The following DPP10 variants were observed in gnomAD, a reference collection of about 807,000 sequenced individuals.
DPP10 encodes dipeptidyl peptidase like 10, also known as inactive dipeptidyl peptidase 10.
In DPP10, 33 loss-of-function variants were observed where a neutral mutation model predicts 120.9. That is an observed-to-expected ratio of 0.27 (90% CI 0.21 to 0.37). The LOEUF is 0.37. Among genes scored for constraint, DPP10 ranks in the 10% least tolerant of loss-of-function variants. The pLI is 1.00. For missense variants in DPP10, 816 were observed against 942.8 expected (o/e 0.87, Z 1.76); for synonymous variants, 337 against 326.1 (o/e 1.03, Z -0.36).
intron 5 of DPP10, among the ~76,000 whole-genome samples, chr2:115,541,228 A>G (rs1214423449): frequency 6.6e-6 from 1 of 151,916 alleles, no homozygotes; most frequent in Non-Finnish European, 1.5e-5. Context: ...ATTATGGGGC[A>G]ACATCCCATG....
At chr2:115,760,372 C>T (rs1679965860) in intron 11 of DPP10, among the ~76,000 whole-genome samples, 1 of 152,122 alleles carries the variant, frequency 6.6e-6, no homozygotes, top group Admixed American at 6.6e-5. Flanking sequence ...CTAACACAGG[C>T]ATATGCTGTC....
intron 1 of DPP10, among the ~76,000 whole-genome samples, chr2:114,536,551 G>T (rs572229228): frequency 6.6e-6 from 1 of 151,740 alleles, no homozygotes; most frequent in East Asian, 2.0e-4. Flanking sequence ...GACTACAGGC[G>T]CCCGCTACCA....
rs1018873351 is a variant in DPP10 at position 115,479,872 on chromosome 2, A to G, written c.272-19638A>G. ...CATGGTTTCTCACATTTGTTAACTGACACTGACAAGGCTGAAAGAAGCAGT... is the reference window on the plus strand; with the variant it reads ...CATGGTTTCTCACATTTGTTAACTGGCACTGACAAGGCTGAAAGAAGCAGT... On this transcript the variant is annotated intron_variant, in intron 3 of 25. Transcript: ENST00000410059. 1.3e-4 allele frequency among the ~76,000 whole-genome samples: 20 copies of G among 152,172 alleles called. 1 individual carries two copies. The highest frequency in any genetic ancestry group is 1.0e-3 in the Admixed American group (16 of 15,264).
intron 1 of DPP10, among the ~76,000 whole-genome samples, chr2:115,196,618 G>A (rs1291740299): frequency 6.6e-6 from 1 of 151,974 alleles, no homozygotes; most frequent in Non-Finnish European, 1.5e-5. Flanking sequence ...CATGTTAGTG[G>A]GTAACTATAA....
At chr2:115,729,926 G>T (rs1481818921) in intron 8 of DPP10, among the ~76,000 whole-genome samples, 1 of 152,154 alleles carries the variant, frequency 6.6e-6, no homozygotes, top group Non-Finnish European at 1.5e-5. Context: ...AAACCCACAA[G>T]TGTGTCCCTA....
At chr2:115,553,821 G>GT (rs566910388) in intron 5 of DPP10, among the ~76,000 whole-genome samples, 98 of 147,044 alleles carry the variant, frequency 6.7e-4, no homozygotes, top group South Asian at 3.0e-3. Context: ...TATGCTGAGG[G>GT]TTTTTTTTTT....
intron 7 of DPP10, among the ~76,000 whole-genome samples, chr2:115,694,237 T>C (rs2091465148): frequency 6.9e-6 from 1 of 145,730 alleles, no homozygotes; most frequent in African/African-American, 2.5e-5. Flanking sequence ...CTCAGCAATA[T>C]GATTTTATTA....
intron 1 of DPP10, among the ~76,000 whole-genome samples, chr2:115,013,658 CAA>C (rs59313783): frequency 0.031 from 1,787 of 58,434 alleles, 35 homozygotes; most frequent in African/African-American, 0.095. Flanking sequence ...AAATGGAAAG[CAA>C]AAAAAAAAAA....
At chr2:115,510,566 G>C (rs2077171964) in intron 4 of DPP10, among the ~76,000 whole-genome samples, 1 of 152,054 alleles carries the variant, frequency 6.6e-6, no homozygotes, top group Non-Finnish European at 1.5e-5. Context: ...GGTGAGACTT[G>C]TAATCAAGAT....
At chr2:114,479,689 C>T (rs1680842978) in intron 1 of DPP10, among the ~76,000 whole-genome samples, 1 of 152,174 alleles carries the variant, frequency 6.6e-6, no homozygotes, top group East Asian at 1.9e-4. Context: ...TGAACCCCTT[C>T]CTTACACCTT....
At chr2:114,908,495 C>A (rs1413337544) in intron 1 of DPP10, among the ~76,000 whole-genome samples, 1 of 151,764 alleles carries the variant, frequency 6.6e-6, no homozygotes, top group African/African-American at 2.4e-5. Context: ...ATATACCTTA[C>A]CTTATGAGAA....
At chr2:114,471,581 A>G (rs1573424069) in intron 1 of DPP10, among the ~76,000 whole-genome samples, 1 of 152,314 alleles carries the variant, frequency 6.6e-6, no homozygotes, top group East Asian at 1.9e-4. Context: ...TTCAAGTTTG[A>G]TTGTTGATAA....
At chr2:114,892,187 G>A (rs1692595695) in intron 1 of DPP10, among the ~76,000 whole-genome samples, 1 of 152,086 alleles carries the variant, frequency 6.6e-6, no homozygotes, top group South Asian at 2.1e-4. Flanking sequence ...AACTCTCTTT[G>A]TTAAGTACTA....
intron 1 of DPP10, among the ~76,000 whole-genome samples, chr2:114,673,292 A>C (rs1698464693): frequency 6.6e-6 from 1 of 152,146 alleles, no homozygotes; most frequent in African/African-American, 2.4e-5. Context: ...TCCAGTTCAC[A>C]TGCTGATTAA....
At chr2:114,798,844 T>C (rs1204775159) in intron 1 of DPP10, among the ~76,000 whole-genome samples, 1 of 152,154 alleles carries the variant, frequency 6.6e-6, no homozygotes, top group East Asian at 1.9e-4. Flanking sequence ...GTTTATATTA[T>C]GGGGCTGGGC....
At chr2:115,286,325 T>G (rs1453222822) in intron 1 of DPP10, among the ~76,000 whole-genome samples, 1 of 150,908 alleles carries the variant, frequency 6.6e-6, no homozygotes, top group Admixed American at 6.6e-5. Flanking sequence ...AAAACTGATG[T>G]TATTTGTAAA....
chr2:114,529,088 G>C, intron 1 of DPP10, among the ~76,000 whole-genome samples: 1 of 152,072 alleles, frequency 6.6e-6, no homozygotes, highest in African/African-American at 2.4e-5. Flanking sequence ...TCCATCTCTT[G>C]CTTTGTCAGC....
intron 21 of DPP10, among the ~76,000 whole-genome samples, chr2:115,817,094 A>G (rs1687320064): frequency 6.6e-6 from 1 of 151,560 alleles, no homozygotes; most frequent in Non-Finnish European, 1.5e-5. Context: ...TAAAACTACT[A>G]AAAATTACCC....
intron 3 of DPP10, among the ~76,000 whole-genome samples, chr2:115,441,500 C>T (rs1444978696): frequency 6.6e-6 from 1 of 152,124 alleles, no homozygotes; most frequent in Non-Finnish European, 1.5e-5. Context: ...GGAATCTTTC[C>T]TACTTCTGCC....
Sources: allele counts gnomAD v4.1 joint callset (sites outside exome capture counted in the v4.1 genomes callset), GRCh38; gene constraint gnomAD v4.1.1; transcripts MANE v1.5; gene names NCBI Gene and HGNC (gene_info 2026-07-23, HGNC 2026-07-21).